Variants in CHST9 observed in about 807,000 individuals in gnomAD.
CHST9 encodes GalNAc-4-sulfotransferase 2.
CHST9 carries 41 observed loss-of-function variants against 44.4 expected under a neutral mutation model. The ratio of observed to expected loss-of-function variants is 0.92; its 90% CI spans 0.72 to 1.20. The LOEUF (loss-of-function observed/expected upper bound fraction) is 1.20, where lower values mean the gene tolerates loss of function less well. Among genes scored for constraint, CHST9 ranks in the 50% most tolerant of loss-of-function variants. CHST9 has a pLI of 0.00. For missense variants in CHST9, 504 were observed against 516.5 expected (o/e 0.98, Z 0.23); for synonymous variants, 171 against 178.4 (o/e 0.96, Z 0.33).
At chr18:27,182,680 A>C (rs2058922084) in intron 1 of CHST9, among the ~76,000 whole-genome samples, 1 of 152,210 alleles carries the variant, frequency 6.6e-6, no homozygotes, top group Admixed American at 6.5e-5. Context: ...AGGGAACTGA[A>C]TATCTCAAAT....
At chr18:27,152,203 C>T (rs2058664974) in intron 1 of CHST9, among the ~76,000 whole-genome samples, 1 of 152,084 alleles carries the variant, frequency 6.6e-6, no homozygotes. Context: ...TAACAGGTGT[C>T]TTCTACTTTT....
intron 4 of CHST9, among the ~76,000 whole-genome samples, chr18:26,957,383 C>A (rs969961111): frequency 3.3e-5 from 5 of 152,104 alleles, no homozygotes; most frequent in African/African-American, 1.2e-4. Flanking sequence ...GCTAAGAGGA[C>A]CAGGTACTAA....
At chr18:26,979,023 A>T (rs1201660169) in intron 4 of CHST9, among the ~76,000 whole-genome samples, 2 of 151,444 alleles carry the variant, frequency 1.3e-5, no homozygotes, top group African/African-American at 2.4e-5. Context: ...ATTTTATTTT[A>T]TTTTATTTTT....
chr18:27,180,790 A>T (rs2058905899), intron 1 of CHST9, among the ~76,000 whole-genome samples: 1 of 152,198 alleles, frequency 6.6e-6, no homozygotes. Context: ...TCTATTAAAA[A>T]ATGCATAATC....
At chr18:27,049,758 C>T (rs184400693) in intron 2 of CHST9, among the ~76,000 whole-genome samples, 17 of 152,190 alleles carry the variant, frequency 1.1e-4, no homozygotes, top group Admixed American at 3.3e-4. Context: ...AGTCATAAAG[C>T]AAGTCTCAAT....
At chr18:26,994,655 C>G (rs1208940592) in intron 4 of CHST9, among the ~76,000 whole-genome samples, 1 of 151,900 alleles carries the variant, frequency 6.6e-6, no homozygotes, top group Non-Finnish European at 1.5e-5. Flanking sequence ...AGTGGTGCAA[C>G]CTTGGCTCAC....
At chr18:27,057,621 G>A (rs1360966717) in intron 2 of CHST9, among the ~76,000 whole-genome samples, 1 of 152,210 alleles carries the variant, frequency 6.6e-6, no homozygotes, top group Admixed American at 6.5e-5. Context: ...AGTACTGTGA[G>A]CTCCAGACAG....
chr18:26,936,905 C>A (rs769387072), intron 5 of CHST9, among the ~76,000 whole-genome samples: 1 of 152,224 alleles, frequency 6.6e-6, no homozygotes, highest in Non-Finnish European at 1.5e-5. Flanking sequence ...ATAAATGGTA[C>A]ATTTTCAGTA....
chr18:27,182,659 C>A (rs1056248203), intron 1 of CHST9, among the ~76,000 whole-genome samples: 4 of 152,192 alleles, frequency 2.6e-5, no homozygotes, highest in African/African-American at 9.6e-5. Context: ...AATGGGAAAT[C>A]TTTCTTGGAT....
intron 3 of CHST9, among the ~76,000 whole-genome samples, chr18:27,039,089 T>G (rs2057418902): frequency 6.6e-6 from 1 of 151,498 alleles, no homozygotes; most frequent in African/African-American, 2.4e-5. Flanking sequence ...ATCTGGAGAG[T>G]CTTACAAATT....
chr18:27,151,314 A>G (rs1203382459), intron 1 of CHST9, among the ~76,000 whole-genome samples: 1 of 152,112 alleles, frequency 6.6e-6, no homozygotes. Context: ...TTAGACTTAC[A>G]TAGATGTTGT....
intron 5 of CHST9, among the ~76,000 whole-genome samples, chr18:26,919,005 G>A (rs1158959494): frequency 2.0e-5 from 3 of 152,108 alleles, no homozygotes; most frequent in Non-Finnish European, 4.4e-5. Context: ...AAGAGCAAAG[G>A]CCTGTCTTAT....
intron 2 of CHST9, among the ~76,000 whole-genome samples, chr18:27,095,004 T>C (rs1234754350): frequency 2.0e-5 from 3 of 152,218 alleles, no homozygotes; most frequent in Admixed American, 6.5e-5. Context: ...CTATCCACTA[T>C]ATGTTAAGAG....
At chr18:27,177,763 T>A (rs1311717928) in intron 1 of CHST9, among the ~76,000 whole-genome samples, 1 of 152,018 alleles carries the variant, frequency 6.6e-6, no homozygotes, top group African/African-American at 2.4e-5. Flanking sequence ...CATATCTGTT[T>A]ACTCTGACAA....
intron 4 of CHST9, among the ~76,000 whole-genome samples, chr18:27,022,107 T>C (rs962856391): frequency 6.6e-6 from 1 of 152,176 alleles, no homozygotes; most frequent in Non-Finnish European, 1.5e-5. Flanking sequence ...GAATTGCATG[T>C]TATTATTATC....
chr18:27,117,978 G>A (rs1473107619), intron 2 of CHST9, among the ~76,000 whole-genome samples: 2 of 152,192 alleles, frequency 1.3e-5, no homozygotes, highest in Admixed American at 6.5e-5. Context: ...CAAACTGCCT[G>A]AGTGACTGTA....
chr18:27,061,051 T>G (rs1182997447), intron 2 of CHST9, among the ~76,000 whole-genome samples: 1 of 152,136 alleles, frequency 6.6e-6, no homozygotes, highest in Non-Finnish European at 1.5e-5. Context: ...GCATGATGAC[T>G]GGTTCTTGAC....
chr18:27,049,256 G>A (rs1302082595), intron 2 of CHST9, among the ~76,000 whole-genome samples: 1 of 152,058 alleles, frequency 6.6e-6, no homozygotes, highest in African/African-American at 2.4e-5. Context: ...ATAGGGCCCA[G>A]TGATTTATAA....
intron 4 of CHST9, among the ~76,000 whole-genome samples, chr18:26,955,224 G>GTTTTTTTTTTTTTTTTTTTTTTTTTTTT (rs10573820): frequency 7.2e-6 from 1 of 138,446 alleles, no homozygotes. Context: ...CCAGAATTCT[G>GTTTTTTTTTTTTTTTTTTTTTTTTTTTT]TTTTTTTTTT....
Sources: gnomAD v4.1 joint callset for allele counts (sites outside exome capture counted in the v4.1 genomes callset) on GRCh38, gnomAD v4.1.1 for gene constraint, MANE v1.5 for transcripts, NCBI Gene and HGNC (gene_info 2026-07-23, HGNC 2026-07-21) for gene names.